ANKRD18A: variants seen among roughly 807,000 people sequenced by gnomAD.
ANKRD18A encodes ankyrin repeat domain 18A, also known as ankyrin repeat domain-containing protein 18A.
A neutral mutation model predicts 110.6 loss-of-function variants in ANKRD18A; 72 were observed. The observed-to-expected ratio is 0.65, with a 90% CI of 0.54 to 0.79. ANKRD18A has a LOEUF of 0.79. Ranked by LOEUF, ANKRD18A falls within the 30% of genes least tolerant of loss-of-function variation. ANKRD18A has a pLI of 0.00. For missense variants in ANKRD18A, 934 were observed against 1,163.3 expected (o/e 0.80, Z 2.87); for synonymous variants, 305 against 410.3 (o/e 0.74, Z 3.10).
chr9:38,602,008 A>G (rs1202118180), intron 7 of ANKRD18A, among the ~76,000 whole-genome samples: 3 of 147,606 alleles, frequency 2.0e-5, no homozygotes, highest in Non-Finnish European at 4.5e-5. Flanking sequence ...AAAAAAAAAA[A>G]GGAAAAAAGG....
Position 38,596,184 on chromosome 9 carries a change from G to C in ANKRD18A, c.1156C>G (p.Arg386Gly). ...NEKMITKTVA[R>G]YSQQLNDLKA... Reference sequence around the variant, plus strand: ...AGATCATTAAGCTGTTGCGAATACCGGGCCACTGTTTTTGTTATCATTTTT... The same window carrying C: ...AGATCATTAAGCTGTTGCGAATACCCGGCCACTGTTTTTGTTATCATTTTT... The change falls in exon 9 of 16, where the codon CGG becomes GGG. Residue 386 changes from arginine (R) to glycine (G), a missense_variant. Arg to Gly is a moderately radical substitution (Grantham distance 125, BLOSUM62 -2). Transcript: ENST00000399703. The C allele has an allele frequency of 6.5e-7, 1 of 1,540,728 alleles. No homozygotes were observed.
chr9:38,577,312 T>C, intron 13 of ANKRD18A, 48 bp from the exon 14 acceptor site: 1 of 1,489,218 alleles, frequency 6.7e-7, no homozygotes, highest in Non-Finnish European at 8.9e-7. Context: ...ATAAGTTAAT[T>C]ACCATAGGTT....
At chr9:38,599,421 T>G (rs149586046) in intron 8 of ANKRD18A, among the ~76,000 whole-genome samples, 1,815 of 152,296 alleles carry the variant, frequency 0.012, 21 homozygotes, top group Non-Finnish European at 0.017. Flanking sequence ...TAATTCTGGA[T>G]TTTTCAAAAC....
rs971083736 is a variant in ANKRD18A at position 38,579,866 on chromosome 9, T to C, written c.2248-1718A>G. 5.8e-4 allele frequency among the ~76,000 whole-genome samples: 88 copies of C among 152,326 alleles called. 8 individuals carry two copies. The highest frequency in any genetic ancestry group is 4.8e-5 in the African/African-American group (2 of 41,578). On this transcript the variant is annotated intron_variant, in intron 12 of 15. Coordinates refer to ENST00000399703, the MANE Select transcript of ANKRD18A (RefSeq NM_147195.4). ...AAAAGAAAACAATAGATCACAAGGATACTTGTCCTCATATGTTTATTGTAG... is the reference window on the plus strand; with the variant it reads ...AAAAGAAAACAATAGATCACAAGGACACTTGTCCTCATATGTTTATTGTAG...
In ANKRD18A at chr9:38,610,214, G is replaced by A. The variant is rs1288320026; in HGVS notation, c.740+59C>T. The A allele has an allele frequency of 2.0e-5, 29 of 1,453,684 alleles. No homozygotes were observed. In the East Asian group the frequency reaches 6.9e-4, roughly 34 times the overall value. The allele number at this position is 1,453,684 out of a possible 1,614,324, so 90.0% of individuals were successfully genotyped here. ...GTCACCTAATGTATAAGATGCAATA[G>A]TTACAATTATTTTAAACCTTAATTT... On this transcript the variant is annotated intron_variant, in intron 5 of 15. Transcript: ENST00000399703.
downstream of ANKRD18A, chr9:38,571,153 G>C: frequency 6.5e-7 from 1 of 1,534,360 alleles, no homozygotes; most frequent in Non-Finnish European, 8.7e-7. Context: ...TCTTCTGTTG[G>C]GGACTAGTGA....
At chr9:38,607,205 C>T (rs1399299247) in intron 6 of ANKRD18A, among the ~76,000 whole-genome samples, 2 of 152,006 alleles carry the variant, frequency 1.3e-5, no homozygotes, top group African/African-American at 2.4e-5. Context: ...TACAGGCGCC[C>T]GCCATGATGC....
intron 8 of ANKRD18A, among the ~76,000 whole-genome samples, chr9:38,596,800 T>C (rs953665316): frequency 6.6e-6 from 1 of 152,160 alleles, no homozygotes; most frequent in Non-Finnish European, 1.5e-5. Flanking sequence ...AGTAAGACCT[T>C]TACCTCGACA....
intron 1 of ANKRD18A, among the ~76,000 whole-genome samples, chr9:38,618,310 G>A (rs1296890863): frequency 1.3e-5 from 2 of 152,146 alleles, no homozygotes; most frequent in Non-Finnish European, 2.9e-5. Flanking sequence ...CCTATTTTGT[G>A]CATAGTATTG....
chr9:38,589,236 C>G lies in ANKRD18A; in HGVS notation c.2005-573G>C, dbSNP rs569106356. 2.4e-4 allele frequency among the ~76,000 whole-genome samples: 36 copies of G among 152,222 alleles called. No homozygotes were observed. The South Asian group carries it at 7.2e-3, about 31-fold the overall frequency. ...ACAATACACAAATAATAACTTTTGT[C>G]TACTTTTTGTGGCTTTTCTATTATC... On this transcript the variant is annotated intron_variant, in intron 10 of 15. Coordinates refer to ENST00000399703, the MANE Select transcript of ANKRD18A (RefSeq NM_147195.4).
At chr9:38,570,732 G>T (rs1823608021), downstream of ANKRD18A, among the ~76,000 whole-genome samples, 1 of 152,206 alleles carries the variant, frequency 6.6e-6, no homozygotes, top group South Asian at 2.1e-4. Context: ...TGTGCCCAGG[G>T]GTCAGGCCTG....
At position 38,588,598 on chromosome 9, in the gene ANKRD18A, C is replaced by G; in HGVS notation, c.2070G>C (p.Ala690=). The change falls in exon 11 of 16, where the codon GCG becomes GCC. Residue 690 remains alanine, a synonymous_variant. Transcript: ENST00000399703. Reference sequence around the variant, plus strand: ...CACGATTTTTCTTTCTTATTTGGTCCGCAGTATAGTTCAGTAATGATATTA... The same window carrying G: ...CACGATTTTTCTTTCTTATTTGGTCGGCAGTATAGTTCAGTAATGATATTA... ...FELISLLNYT[A]DQIRKKNREL... 7.2e-7 allele frequency: 1 copy of G among 1,384,980 alleles called. No homozygotes were observed. Among genetic ancestry groups the G allele is most frequent in the Non-Finnish European group, 9.4e-7 (1 of 1,061,112 alleles). The allele number at this position is 1,384,980 out of a possible 1,614,324, so 85.8% of individuals were successfully genotyped here. A position where few individuals can be genotyped will look rare whatever the true frequency, so the allele number is the denominator to read the frequency against.
At chr9:38,612,611 G>A (rs542877168) in intron 3 of ANKRD18A, among the ~76,000 whole-genome samples, 3 of 146,464 alleles carry the variant, frequency 2.0e-5, no homozygotes, top group South Asian at 2.1e-4. Context: ...TCCACCTCCC[G>A]AGTTCATGCC....
intron 11 of ANKRD18A, among the ~76,000 whole-genome samples, chr9:38,587,840 C>A (rs1330393138): frequency 1.3e-5 from 2 of 152,050 alleles, no homozygotes; most frequent in Non-Finnish European, 2.9e-5. Flanking sequence ...GTGGCTCATG[C>A]CAACTTTGGG....
At chr9:38,619,060 AT>A (rs1036977958) in intron 1 of ANKRD18A, among the ~76,000 whole-genome samples, 9 of 151,480 alleles carry the variant, frequency 5.9e-5, no homozygotes, top group Admixed American at 3.3e-4. Context: ...TCTTTTGTTA[AT>A]TTTTTTCTGA....
chr9:38,573,465 C>A (rs1823740488), intron 15 of ANKRD18A, among the ~76,000 whole-genome samples: 1 of 152,014 alleles, frequency 6.6e-6, no homozygotes, highest in Non-Finnish European at 1.5e-5. Flanking sequence ...GCCTGTAATC[C>A]CAGCACTTTG....
intron 6 of ANKRD18A, among the ~76,000 whole-genome samples, chr9:38,607,057 C>T (rs1825391687): frequency 6.6e-6 from 1 of 151,812 alleles, no homozygotes. Flanking sequence ...TATGTAATCT[C>T]ACTTTTTGTT....
chr9:38,574,201 A>T (rs1292868790), intron 15 of ANKRD18A, among the ~76,000 whole-genome samples: 1 of 152,216 alleles, frequency 6.6e-6, no homozygotes, highest in African/African-American at 2.4e-5. Context: ...AGTGGATTCC[A>T]GCTGTATCCA....
chr9:38,620,580 G>C lies in ANKRD18A; in HGVS notation c.-295C>G, dbSNP rs569957896. 1.0e-4 allele frequency: 96 copies of C among 955,876 alleles called. No homozygotes were observed. In the African/African-American group the frequency reaches 1.3e-3, roughly 13 times the overall value. 59.2% of individuals were successfully genotyped at this position (955,876 alleles called of 1,614,324 possible). A position where few individuals can be genotyped will look rare whatever the true frequency, so the allele number is the denominator to read the frequency against. On this transcript the variant is annotated 5_prime_UTR_variant, in exon 1 of 16. Transcript: ENST00000399703. Reference sequence around the variant, plus strand: ...GCGCGCGCCTGAACCTCAGCGCTCCGAACTCTCAGACCGAGTGAGTCCCCG... The same window carrying C: ...GCGCGCGCCTGAACCTCAGCGCTCCCAACTCTCAGACCGAGTGAGTCCCCG...
Sources: allele counts gnomAD v4.1 joint callset (sites outside exome capture counted in the v4.1 genomes callset), GRCh38; gene constraint gnomAD v4.1.1; transcripts MANE v1.5; gene names NCBI Gene and HGNC (gene_info 2026-07-23, HGNC 2026-07-21).